Variants in RHOBTB3 observed in about 807,000 individuals in gnomAD.
The protein encoded by RHOBTB3 is Rho related BTB domain containing 3.
In RHOBTB3, 47 loss-of-function variants were observed where a neutral mutation model predicts 67.2. The ratio of observed to expected loss-of-function variants is 0.70; its 90% CI spans 0.55 to 0.89. The LOEUF (loss-of-function observed/expected upper bound fraction) is 0.89, where lower values mean the gene tolerates loss of function less well. RHOBTB3 is among the 40% of genes least tolerant of loss of function. The probability of loss-of-function intolerance (pLI) is 0.00; values close to 1 mark genes in which losing one functional copy is unlikely to be tolerated. For missense variants in RHOBTB3, 631 were observed against 750.0 expected, an observed-to-expected ratio of 0.84 and a Z score of 1.85; for synonymous variants, 273 against 274.2, an observed-to-expected ratio of 1.00 and a Z score of 0.04.
At chr5:95,742,138 T>C (rs1039800023) in intron 3 of RHOBTB3, among the ~76,000 whole-genome samples, 2 of 152,186 alleles carry the variant, frequency 1.3e-5, no homozygotes, top group Non-Finnish European at 2.9e-5. Flanking sequence ...GGGGCAATGA[T>C]ATTTAGAAAC....
intron 1 of RHOBTB3, 42 bp from the exon 2 acceptor site, chr5:95,731,817 G>A: frequency 6.2e-7 from 1 of 1,603,262 alleles, no homozygotes; most frequent in Non-Finnish European, 8.5e-7. Flanking sequence ...CCCGCGCGCT[G>A]ACCGTGCTTC....
chr5:95,730,895 TG>T, upstream of RHOBTB3: 1 of 455,844 alleles, frequency 2.2e-6, no homozygotes, highest in Non-Finnish European at 4.4e-6. Context: ...GCGGCAGACG[TG>T]GTAAAGCACT....
chr5:95,732,602 A>G (rs1383733640), intron 2 of RHOBTB3: 1 of 163,330 alleles, frequency 6.1e-6, no homozygotes, highest in African/African-American at 2.4e-5. Context: ...TTATAGCACT[A>G]TTAATTGATC....
intron 1 of RHOBTB3, among the ~76,000 whole-genome samples, chr5:95,721,944 A>C: frequency 6.6e-6 from 1 of 151,478 alleles, no homozygotes. Flanking sequence ...AATCTCTAAG[A>C]AAATTTTGAT....
At chr5:95,778,532 T>C (rs1464100327) in intron 8 of RHOBTB3, among the ~76,000 whole-genome samples, 1 of 152,156 alleles carries the variant, frequency 6.6e-6, no homozygotes, top group African/African-American at 2.4e-5. Flanking sequence ...AACCACATTA[T>C]CAACAATTTC....
At chr5:95,726,569 G>C (rs1755058223), upstream of RHOBTB3, among the ~76,000 whole-genome samples, 1 of 152,166 alleles carries the variant, frequency 6.6e-6, no homozygotes. Context: ...TTAAAACAGT[G>C]TTCTTTATAA....
Position 95,731,449 on chromosome 5 carries a change from C to T in RHOBTB3, c.-234C>T. Reference sequence around the variant, plus strand: ...GCGCCCGGCGATGTTCCCGGGCACTCCCTGAGTAGCGGCAGCTTATCCCCC... The same window carrying T: ...GCGCCCGGCGATGTTCCCGGGCACTTCCTGAGTAGCGGCAGCTTATCCCCC... On this transcript the variant is annotated 5_prime_UTR_variant, in exon 1 of 12. Transcript: ENST00000379982. 1 of 1,211,260 alleles carries T rather than the reference C, an allele frequency of 8.3e-7. No individual in the cohort carries two copies. Among genetic ancestry groups the T allele is most frequent in the Non-Finnish European group, 1.0e-6 (1 of 978,186 alleles). The allele number at this position is 1,211,260 out of a possible 1,614,324, so 75.0% of individuals were successfully genotyped here. A position where few individuals can be genotyped will look rare whatever the true frequency, so the allele number is the denominator to read the frequency against.
intron 5 of RHOBTB3, 72 bp downstream of exon 5, chr5:95,752,422 C>A: frequency 1.0e-6 from 1 of 993,964 alleles, no homozygotes; most frequent in Non-Finnish European, 1.5e-6. Flanking sequence ...GGTCTTAGAG[C>A]AATTATTCTC....
chr5:95,719,770 G>T (rs1754808327), intron 1 of RHOBTB3: 1 of 152,180 alleles, frequency 6.6e-6, no homozygotes, highest in East Asian at 1.9e-4. Context: ...CTAAATGGCT[G>T]AACCTGCCAA....
intron 9 of RHOBTB3, chr5:95,783,561 C>CAAAAAAAAAAA (rs201633409): frequency 5.6e-5 from 6 of 107,660 alleles, no homozygotes; most frequent in African/African-American, 9.5e-5. Flanking sequence ...CCTGTCTCTA[C>CAAAAAAAAAAA]AAAAAAAAAA....
chr5:95,753,008 T>C (rs1180785644), intron 5 of RHOBTB3, among the ~76,000 whole-genome samples: 3 of 152,018 alleles, frequency 2.0e-5, no homozygotes, highest in African/African-American at 7.2e-5. Flanking sequence ...GGCAGGCGCC[T>C]GTAGTCCCAG....
intron 3 of RHOBTB3, 87 bp from the exon 4 acceptor site, chr5:95,748,246 C>T: frequency 2.1e-6 from 2 of 974,490 alleles, no homozygotes; most frequent in Non-Finnish European, 3.0e-6. Flanking sequence ...AGTATGAGCT[C>T]TTTGTTGTTT....
intron 6 of RHOBTB3, among the ~76,000 whole-genome samples, chr5:95,758,458 G>C (rs1199927737): frequency 6.6e-6 from 1 of 152,204 alleles, no homozygotes; most frequent in Non-Finnish European, 1.5e-5. Flanking sequence ...GAAAGGTGAT[G>C]GCTGGTGGGT....
chr5:95,736,517 G>A (rs902196501), intron 2 of RHOBTB3, among the ~76,000 whole-genome samples: 3 of 152,150 alleles, frequency 2.0e-5, no homozygotes, highest in South Asian at 2.1e-4. Flanking sequence ...TTGAAGCTTC[G>A]TTACTCATAC....
chr5:95,786,974 T>C (rs899969285), intron 10 of RHOBTB3, among the ~76,000 whole-genome samples: 4 of 152,236 alleles, frequency 2.6e-5, no homozygotes, highest in African/African-American at 9.6e-5. Context: ...AACCCCCACA[T>C]GTGCTACCAA....
Position 95,794,795 on chromosome 5 carries a change from A to G in RHOBTB3, c.*1621A>G, listed in dbSNP as rs1746524794. The G allele has an allele frequency of 6.6e-6, 1 of 152,294 alleles. No homozygotes were observed. Among genetic ancestry groups the G allele is most frequent in the African/African-American group, 2.4e-5 (1 of 41,562 alleles). 9.4% of individuals were successfully genotyped at this position (152,294 alleles called of 1,614,324 possible). On this transcript the variant is annotated 3_prime_UTR_variant, in exon 12 of 12. Coordinates refer to ENST00000379982, the MANE Select transcript of RHOBTB3 (RefSeq NM_014899.4). ...CCATACCGTTAGCCCTTGTATGTAT[A>G]CCAACACTGCCAAAGTAAAACATTA...
intron 6 of RHOBTB3, among the ~76,000 whole-genome samples, chr5:95,761,685 A>G (rs976257173): frequency 1.1e-4 from 17 of 152,170 alleles, no homozygotes; most frequent in African/African-American, 3.6e-4. Context: ...CAGAAATTCT[A>G]ATTCACTTGA....
At chr5:95,722,666 T>C (rs572892742) in intron 1 of RHOBTB3, among the ~76,000 whole-genome samples, 2 of 152,276 alleles carry the variant, frequency 1.3e-5, no homozygotes, top group South Asian at 4.1e-4. Flanking sequence ...ATTTTTGTAT[T>C]TTTAGTAGAG....
chr5:95,791,617 T>G (rs148029681), intron 11 of RHOBTB3, among the ~76,000 whole-genome samples: 1 of 152,114 alleles, frequency 6.6e-6, no homozygotes, highest in African/African-American at 2.4e-5. Context: ...GGTTAAACAG[T>G]AGATGGAGAA....
Sources: gnomAD v4.1 joint callset for allele counts (sites outside exome capture counted in the v4.1 genomes callset) on GRCh38, gnomAD v4.1.1 for gene constraint, MANE v1.5 for transcripts, NCBI Gene and HGNC (gene_info 2026-07-23, HGNC 2026-07-21) for gene names.